Variants in RERG observed in about 807,000 individuals in gnomAD.
RERG encodes the protein ras-related and estrogen-regulated growth inhibitor.
A neutral mutation model predicts 23.2 loss-of-function variants in RERG; 25 were observed. That is an observed-to-expected ratio of 1.08 (90% CI 0.79 to 1.50). The LOEUF is 1.50. RERG is among the 40% of genes most tolerant of loss of function. The pLI, the probability that RERG is intolerant of heterozygous loss-of-function variation, is 0.00. For missense variants in RERG, 253 were observed against 250.1 expected (o/e 1.01, Z -0.08); for synonymous variants, 81 against 89.1 (o/e 0.91, Z 0.51).
At chr12:15,178,451 C>T (rs1864881841) in intron 2 of RERG, among the ~76,000 whole-genome samples, 1 of 152,042 alleles carries the variant, frequency 6.6e-6, no homozygotes, top group Non-Finnish European at 1.5e-5. Flanking sequence ...GGGAGAAGTC[C>T]AAGACAATAT....
At chr12:15,201,514 G>A (rs964563605) in intron 2 of RERG, among the ~76,000 whole-genome samples, 1 of 150,820 alleles carries the variant, frequency 6.6e-6, no homozygotes, top group African/African-American at 2.4e-5. Context: ...TATGGTAAAT[G>A]ATATGCTAAT....
chr12:15,152,315 A>G (rs1057273184), intron 2 of RERG, among the ~76,000 whole-genome samples: 3 of 152,202 alleles, frequency 2.0e-5, no homozygotes, highest in Admixed American at 6.5e-5. Flanking sequence ...CTTCAAATGC[A>G]CCAATTCACC....
intron 2 of RERG, among the ~76,000 whole-genome samples, chr12:15,124,732 A>G (rs1455218108): frequency 6.6e-6 from 1 of 151,868 alleles, no homozygotes; most frequent in Non-Finnish European, 1.5e-5. Flanking sequence ...AATGCTGGAA[A>G]TTTTTTTTCC....
intron 2 of RERG, among the ~76,000 whole-genome samples, chr12:15,196,546 T>A (rs1865146974): frequency 6.6e-6 from 1 of 152,124 alleles, no homozygotes; most frequent in African/African-American, 2.4e-5. Flanking sequence ...GGTCCTCAGC[T>A]CCCAAGACTG....
chr12:15,208,831 TG>T (rs1865328880), intron 2 of RERG, among the ~76,000 whole-genome samples: 1 of 152,208 alleles, frequency 6.6e-6, no homozygotes, highest in African/African-American at 2.4e-5. Flanking sequence ...CGATAAGATT[TG>T]ATTATTAAAA....
rs905807853 is a variant in RERG at position 15,208,597 on chromosome 12, T to C, written c.61+8832A>G. Among the ~76,000 whole-genome samples, 9 of 152,292 alleles carry C rather than the reference T, an allele frequency of 5.9e-5. No individual in the cohort carries two copies. In the South Asian group the frequency reaches 1.7e-3, roughly 28 times the overall value. The stretch of plus-strand genomic sequence containing the variant: ...CTGCTTTGCCTTTTTGGAAGGTACA[T>C]GGATCCTGTACGATATGCAGGGATA... On this transcript the variant is annotated intron_variant, in intron 2 of 4. Coordinates refer to ENST00000256953, the MANE Select transcript of RERG (RefSeq NM_032918.3).
At chr12:15,156,449 A>G (rs1382764240) in intron 2 of RERG, among the ~76,000 whole-genome samples, 1 of 152,236 alleles carries the variant, frequency 6.6e-6, no homozygotes, top group African/African-American at 2.4e-5. Context: ...CAAATACCAC[A>G]TCAGCTTTCA....
intron 2 of RERG, among the ~76,000 whole-genome samples, chr12:15,211,017 T>C (rs1865358875): frequency 6.6e-6 from 1 of 152,198 alleles, no homozygotes; most frequent in Non-Finnish European, 1.5e-5. Flanking sequence ...CTGGTAGTCC[T>C]TCAATTTCAT....
intron 2 of RERG, among the ~76,000 whole-genome samples, chr12:15,170,108 T>C (rs1351457620): frequency 6.6e-6 from 1 of 152,088 alleles, no homozygotes; most frequent in Admixed American, 6.6e-5. Context: ...ATGGCACTCA[T>C]AAATGAATTC....
intron 2 of RERG, among the ~76,000 whole-genome samples, chr12:15,137,509 T>C (rs1363344295): frequency 6.6e-6 from 1 of 151,910 alleles, no homozygotes; most frequent in Non-Finnish European, 1.5e-5. Flanking sequence ...TATTTGATTC[T>C]ATTTTCTCTC....
At chr12:15,156,606 T>A (rs947059212) in intron 2 of RERG, among the ~76,000 whole-genome samples, 3 of 152,232 alleles carry the variant, frequency 2.0e-5, no homozygotes, top group African/African-American at 7.2e-5. Flanking sequence ...GGAATGCTTG[T>A]TAATGAAATT....
Position 15,108,432 on chromosome 12 carries a change from C to T in RERG, c.*678G>A, listed in dbSNP as rs1275713293. 1 of 152,530 alleles carries T rather than the reference C, an allele frequency of 6.6e-6. No individual in the cohort carries two copies. Among genetic ancestry groups the T allele is most frequent in the African/African-American group, 2.4e-5 (1 of 41,436 alleles). The allele number at this position is 152,530 out of a possible 1,614,324, so 9.4% of individuals were successfully genotyped here. On this transcript the variant is annotated 3_prime_UTR_variant, in exon 5 of 5. Coordinates refer to ENST00000256953, the MANE Select transcript of RERG (RefSeq NM_032918.3). ...CCCAGCAGGATGTGAATTTTGTGTC[C>T]TATTGCCTTTGTTATAGGGAAAATA...
intron 2 of RERG, among the ~76,000 whole-genome samples, chr12:15,175,500 T>G (rs1864838515): frequency 6.6e-6 from 1 of 151,814 alleles, no homozygotes; most frequent in South Asian, 2.1e-4. Context: ...TGGGGCCGTC[T>G]CAGGTCTTTA....
At chr12:15,135,426 C>A (rs1426485048) in intron 2 of RERG, among the ~76,000 whole-genome samples, 1 of 152,056 alleles carries the variant, frequency 6.6e-6, no homozygotes, top group Non-Finnish European at 1.5e-5. Context: ...TAAGCTAAGA[C>A]AAGCATTATG....
intron 2 of RERG, among the ~76,000 whole-genome samples, chr12:15,142,897 T>G (rs1864261564): frequency 6.6e-6 from 1 of 152,194 alleles, no homozygotes; most frequent in African/African-American, 2.4e-5. Context: ...AGCACACAAC[T>G]TAGCCAGCTT....
intron 2 of RERG, among the ~76,000 whole-genome samples, chr12:15,215,216 T>C (rs915564765): frequency 2.0e-5 from 3 of 152,198 alleles, no homozygotes; most frequent in Admixed American, 6.5e-5. Flanking sequence ...TAAAATAAAA[T>C]TCAGGTCAGC....
At chr12:15,118,377 G>T (rs1166280950) in intron 3 of RERG, among the ~76,000 whole-genome samples, 2 of 151,896 alleles carry the variant, frequency 1.3e-5, no homozygotes, top group Non-Finnish European at 2.9e-5. Context: ...TCTGTTCCAG[G>T]TTTAAAAAAA....
At chr12:15,121,715 A>G in intron 2 of RERG, among the ~76,000 whole-genome samples, 1 of 152,160 alleles carries the variant, frequency 6.6e-6, no homozygotes, top group East Asian at 1.9e-4. Flanking sequence ...TCCTCACGTC[A>G]TCTTTATGAG....
In RERG at chr12:15,187,683, C is replaced by T. The variant is rs142297414; in HGVS notation, c.61+29746G>A. Among the ~76,000 whole-genome samples the T allele has an allele frequency of 3.0e-4, 45 of 152,040 alleles. 1 individual carries two copies. Among genetic ancestry groups the T allele is most frequent in the African/African-American group, 9.9e-4 (41 of 41,476 alleles). On this transcript the variant is annotated intron_variant, in intron 2 of 4. Coordinates refer to ENST00000256953, the MANE Select transcript of RERG (RefSeq NM_032918.3). ...AAGCAATTCTCCTGCCTCGGCCTCCCGAGTAGCTGGAATTACAGGCACCCG... is the reference window on the plus strand; with the variant it reads ...AAGCAATTCTCCTGCCTCGGCCTCCTGAGTAGCTGGAATTACAGGCACCCG...
Sources: gnomAD v4.1 joint callset for allele counts (sites outside exome capture counted in the v4.1 genomes callset) on GRCh38, gnomAD v4.1.1 for gene constraint, MANE v1.5 for transcripts, NCBI Gene and HGNC (gene_info 2026-07-23, HGNC 2026-07-21) for gene names.